ERGIC1: variants seen among roughly 807,000 people sequenced by gnomAD.
ERGIC1 encodes the protein endoplasmic reticulum-golgi intermediate compartment 1.
Under a neutral mutation model 38.3 loss-of-function variants are expected in ERGIC1, and 19 were observed. The observed-to-expected ratio is 0.50, with a 90% confidence interval of 0.35 to 0.73. The LOEUF (loss-of-function observed/expected upper bound fraction) is 0.73, where lower values mean the gene tolerates loss of function less well. Among genes scored for constraint, ERGIC1 ranks in the 30% least tolerant of loss-of-function variants. The pLI is 0.01. For missense variants in ERGIC1, 294 were observed against 389.2 expected (o/e 0.76, Z 2.06); for synonymous variants, 124 against 157.6 (o/e 0.79, Z 1.60).
At chr5:172,845,424 T>C (rs1283180657) in intron 1 of ERGIC1, among the ~76,000 whole-genome samples, 1 of 152,142 alleles carries the variant, frequency 6.6e-6, no homozygotes, top group East Asian at 1.9e-4. Flanking sequence ...CTGGTCCTCT[T>C]GCCGGAGGAT....
intron 1 of ERGIC1, among the ~76,000 whole-genome samples, chr5:172,860,866 A>C (rs757693499): frequency 2.0e-5 from 3 of 152,042 alleles, no homozygotes; most frequent in Non-Finnish European, 4.4e-5. Context: ...CAGTGTTTGG[A>C]GCTCTGCCTG....
chr5:172,927,608 C>T (rs1421073289), intron 7 of ERGIC1, among the ~76,000 whole-genome samples: 1 of 135,340 alleles, frequency 7.4e-6, no homozygotes, highest in Non-Finnish European at 1.5e-5. Flanking sequence ...GAGACGGAGT[C>T]TTACTGTGTC....
intron 9 of ERGIC1, among the ~76,000 whole-genome samples, chr5:172,941,565 C>T (rs1318095812): frequency 6.6e-6 from 1 of 152,164 alleles, no homozygotes; most frequent in African/African-American, 2.4e-5. Context: ...CTCTATCTTC[C>T]AAAACAAGGG....
At chr5:172,920,461 C>G (rs1453410162) in intron 5 of ERGIC1, 1 of 717,758 alleles carries the variant, frequency 1.4e-6, no homozygotes, top group Admixed American at 2.0e-5. Flanking sequence ...ATCAGCCAGC[C>G]CCGCAGGAGG....
At chr5:172,931,584 T>G (rs526644) in intron 7 of ERGIC1, among the ~76,000 whole-genome samples, 12,901 of 152,224 alleles carry the variant, frequency 0.085, 1,153 homozygotes, top group African/African-American at 0.23. Context: ...GGCTCTTTTC[T>G]TTTTAATACT....
At chr5:172,897,692 T>C in intron 3 of ERGIC1, 3 of 411,434 alleles carry the variant, frequency 7.3e-6, no homozygotes, top group Non-Finnish European at 8.8e-6. Flanking sequence ...GTGGGCTTTT[T>C]TTCCCTCTGA....
intron 5 of ERGIC1, chr5:172,916,073 G>T (rs751695746): frequency 1.2e-4 from 21 of 172,274 alleles, no homozygotes; most frequent in Non-Finnish European, 2.2e-4. Context: ...TTCCCCTTTA[G>T]AGAGGGTGTG....
rs111840820 is a variant in ERGIC1, at chr5:172,935,503, G to A, written c.765+193G>A. The A allele has an allele frequency of 1.6e-3, 985 of 634,850 alleles. 9 individuals carry two copies. In the African/African-American group the frequency reaches 0.016, roughly 10 times the overall value. 39.3% of individuals were successfully genotyped at this position (634,850 alleles called of 1,614,324 possible). A position where few individuals can be genotyped will look rare whatever the true frequency, so the allele number is the denominator to read the frequency against. On this transcript the variant is annotated intron_variant, in intron 9 of 9. Transcript: ENST00000393784. ...ATGTTGTCAGAAACACATCAGTATCGATGACGTTTTGTCTAGAAAGTATTT... is the reference window on the plus strand; with the variant it reads ...ATGTTGTCAGAAACACATCAGTATCAATGACGTTTTGTCTAGAAAGTATTT...
chr5:172,892,298 C>T (rs773549089), intron 2 of ERGIC1, among the ~76,000 whole-genome samples: 2 of 152,164 alleles, frequency 1.3e-5, no homozygotes, highest in Non-Finnish European at 2.9e-5. Flanking sequence ...TGCTGATGAA[C>T]GGGGCTTCCA....
At position 172,952,336 on chromosome 5, in the gene ERGIC1, AT is replaced by A. The variant is rs1376596480; in HGVS notation, c.*1523del. On this transcript the variant is annotated 3_prime_UTR_variant, in exon 10 of 10. Coordinates refer to ENST00000393784, the MANE Select transcript of ERGIC1 (RefSeq NM_001031711.3). ...TGACTGATGTTGTGAGTGTAAATGC[AT>A]TTGGTTATTTCTGGTATCGGTGGCC... 1 of 146,016 alleles carries A rather than the reference AT, an allele frequency of 6.8e-6. No homozygotes were observed. The highest frequency in any genetic ancestry group is 1.5e-5 in the Non-Finnish European group (1 of 67,244). The allele number at this position is 146,016 out of a possible 1,614,324, so 9.0% of individuals were successfully genotyped here.
At chr5:172,897,182 A>G (rs893265842) in intron 3 of ERGIC1, 108 bp downstream of exon 3, 5 of 1,049,254 alleles carry the variant, frequency 4.8e-6, no homozygotes, top group Non-Finnish European at 7.2e-6. Flanking sequence ...TAATCCCAAC[A>G]CTTTGGGAGG....
At chr5:172,898,079 T>C in intron 3 of ERGIC1, 1 of 394,414 alleles carries the variant, frequency 2.5e-6, no homozygotes, top group East Asian at 3.6e-5. Context: ...TCTTCATTTC[T>C]GTGTTTACAG....
chr5:172,929,854 T>C (rs1763735168), intron 7 of ERGIC1, among the ~76,000 whole-genome samples: 2 of 152,174 alleles, frequency 1.3e-5, no homozygotes, highest in Non-Finnish European at 2.9e-5. Flanking sequence ...GCTTATGTTC[T>C]GTGTCTTAGA....
intron 5 of ERGIC1, among the ~76,000 whole-genome samples, chr5:172,919,102 C>T (rs1763447681): frequency 6.6e-6 from 1 of 152,198 alleles, no homozygotes; most frequent in Non-Finnish European, 1.5e-5. Flanking sequence ...ATGCTCCCCG[C>T]CGTTGGTGGC....
At chr5:172,872,525 T>C (rs1227216913) in intron 1 of ERGIC1, among the ~76,000 whole-genome samples, 1 of 152,148 alleles carries the variant, frequency 6.6e-6, no homozygotes, top group Admixed American at 6.5e-5. Flanking sequence ...TGTCAAAAGG[T>C]GGTCTCAGGC....
intron 3 of ERGIC1, among the ~76,000 whole-genome samples, chr5:172,901,033 T>G (rs1762863271): frequency 6.6e-6 from 1 of 152,192 alleles, no homozygotes; most frequent in African/African-American, 2.4e-5. Context: ...CCCTACAGGT[T>G]TGGGAACAAC....
chr5:172,865,825 G>C (rs1761846882), intron 1 of ERGIC1, among the ~76,000 whole-genome samples: 1 of 152,032 alleles, frequency 6.6e-6, no homozygotes, highest in African/African-American at 2.4e-5. Context: ...ACCTGATTGG[G>C]GTACTTTTGA....
At chr5:172,902,777 C>T (rs1762917661) in intron 3 of ERGIC1, among the ~76,000 whole-genome samples, 1 of 152,182 alleles carries the variant, frequency 6.6e-6, no homozygotes, top group Admixed American at 6.5e-5. Context: ...ACCCCAAGCC[C>T]TTGCGGCAGG....
At chr5:172,897,441 A>G (rs12652365) in intron 3 of ERGIC1, among the ~76,000 whole-genome samples, 12 of 119,502 alleles carry the variant, frequency 1.0e-4, no homozygotes, top group East Asian at 2.5e-4. Context: ...AAAAAAAAAA[A>G]AAAGAGAGAG....
Sources: gnomAD v4.1 joint callset for allele counts (sites outside exome capture counted in the v4.1 genomes callset) on GRCh38, gnomAD v4.1.1 for gene constraint, MANE v1.5 for transcripts, NCBI Gene and HGNC (gene_info 2026-07-23, HGNC 2026-07-21) for gene names.